SYNE1: variants seen among roughly 807,000 people sequenced by gnomAD.
The protein encoded by SYNE1 is nesprin-1.
A neutral mutation model predicts 1,111.0 loss-of-function variants in SYNE1; 616 were observed. The observed-to-expected ratio is 0.55, with a 90% CI of 0.52 to 0.59. The LOEUF (loss-of-function observed/expected upper bound fraction) is 0.59. Among genes scored for constraint, SYNE1 ranks in the 20% least tolerant of loss-of-function variants. The pLI is 0.00. For synonymous variants in SYNE1, 3,855 were observed against 3,825.8 expected (o/e 1.01, Z -0.28); for missense variants, 10,006 against 10,417.0 (o/e 0.96, Z 1.72).
Position 152,281,851 on chromosome 6 carries a change from G to C in SYNE1, c.18337C>G (p.Pro6113Ala), listed in dbSNP as rs2094047938. The change falls in exon 97 of 146, where the codon CCC (proline) becomes GCC (alanine). Residue 6113 changes from proline to alanine, a missense_variant. Coordinates refer to ENST00000367255, the MANE Select transcript of SYNE1 (RefSeq NM_182961.4). ...GCCTCCATGTCCATGGGCTCCTTGG[G>C]TGGACTCAGCGCAGTGTCCAGAGTG... is the stretch of plus-strand genomic sequence containing the variant. ...KATLDTALSP[P>A]KEPMDMEAQL... 6.2e-7 allele frequency: 1 copy of C among 1,614,038 alleles called. No homozygotes were observed. The highest frequency in any genetic ancestry group is 1.7e-5 in the Admixed American group (1 of 60,010).
At chr6:152,211,829 A>G (rs1234938992) in intron 123 of SYNE1, among the ~76,000 whole-genome samples, 2 of 152,148 alleles carry the variant, frequency 1.3e-5, no homozygotes, top group Admixed American at 1.3e-4. Context: ...AAGTAGAATT[A>G]TATTTCTCTT....
intron 117 of SYNE1, among the ~76,000 whole-genome samples, chr6:152,221,982 T>A (rs1299431210): frequency 6.6e-6 from 1 of 152,198 alleles, no homozygotes; most frequent in East Asian, 1.9e-4. Context: ...TCTTGTTGTG[T>A]CCTGACTTGC....
At chr6:152,632,591 T>C (rs1477285296) in intron 2 of SYNE1, among the ~76,000 whole-genome samples, 2 of 152,162 alleles carry the variant, frequency 1.3e-5, no homozygotes, top group Non-Finnish European at 2.9e-5. Context: ...CCTCAACAAC[T>C]ACCTATTGGA....
At chr6:152,180,840 G>A (rs1299778197) in intron 128 of SYNE1, among the ~76,000 whole-genome samples, 1 of 152,128 alleles carries the variant, frequency 6.6e-6, no homozygotes, top group African/African-American at 2.4e-5. Context: ...GGTGCCCCAA[G>A]GCTCAGCTCC....
chr6:152,461,978 C>T (rs2098736607), intron 20 of SYNE1, among the ~76,000 whole-genome samples: 1 of 151,700 alleles, frequency 6.6e-6, no homozygotes, highest in African/African-American at 2.4e-5. Context: ...CTGAAATGAT[C>T]TTTGTACTTT....
intron 24 of SYNE1, among the ~76,000 whole-genome samples, chr6:152,454,533 C>T (rs137897351): frequency 3.3e-5 from 5 of 152,314 alleles, no homozygotes; most frequent in Non-Finnish European, 5.9e-5. Context: ...ACTGTGAGAA[C>T]ATAAGTTTCT....
At chr6:152,531,339 T>G (rs2099200082) in intron 4 of SYNE1, among the ~76,000 whole-genome samples, 1 of 151,980 alleles carries the variant, frequency 6.6e-6, no homozygotes, top group Admixed American at 6.6e-5. Context: ...AAGTGCTGAG[T>G]TAAGATGGAA....
At chr6:152,138,887 T>C (rs1238475744) in intron 140 of SYNE1, among the ~76,000 whole-genome samples, 1 of 152,210 alleles carries the variant, frequency 6.6e-6, no homozygotes, top group Non-Finnish European at 1.5e-5. Context: ...ACTATATCCA[T>C]GCGGGCCAAG....
At chr6:152,284,724 G>A (rs1403800670) in intron 95 of SYNE1, among the ~76,000 whole-genome samples, 2 of 150,684 alleles carry the variant, frequency 1.3e-5, no homozygotes, top group African/African-American at 4.9e-5. Context: ...TGGATCACAG[G>A]CATGAGCCAC....
At chr6:152,172,440 G>T (rs759452170) in intron 130 of SYNE1, among the ~76,000 whole-genome samples, 2 of 152,126 alleles carry the variant, frequency 1.3e-5, no homozygotes, top group African/African-American at 2.4e-5. Context: ...AGGTTTAGCC[G>T]AGAGAAAAAG....
chr6:152,446,796 C>T (rs945352328), intron 29 of SYNE1, among the ~76,000 whole-genome samples: 4 of 152,072 alleles, frequency 2.6e-5, no homozygotes, highest in African/African-American at 7.2e-5. Flanking sequence ...GAAGTAGATG[C>T]GTTTGTATAT....
At chr6:152,315,157 A>G (rs1251487280) in intron 87 of SYNE1, 1 of 151,136 alleles carries the variant, frequency 6.6e-6, no homozygotes, top group Non-Finnish European at 1.5e-5. Flanking sequence ...TTGTAGCCAT[A>G]AAAAGGAGTC....
chr6:152,364,732 G>A (rs1014201924), intron 63 of SYNE1, 115 bp downstream of exon 63: 2 of 1,240,314 alleles, frequency 1.6e-6, no homozygotes, highest in Middle Eastern at 1.9e-4. Flanking sequence ...AAGGAAGGGA[G>A]GAAGGAAAGG....
intron 64 of SYNE1, among the ~76,000 whole-genome samples, chr6:152,361,723 C>T (rs13218536): frequency 0.023 from 3,527 of 151,942 alleles, 93 homozygotes; most frequent in East Asian, 0.13. Flanking sequence ...TGTTTGAATA[C>T]TACTGCCAAT....
rs970523426 is a variant in SYNE1, at chr6:152,488,458, G to T, written c.985C>A (p.Gln329Lys). The T allele has an allele frequency of 1.2e-6, 2 of 1,608,932 alleles. No homozygotes were observed. Among genetic ancestry groups the T allele is most frequent in the Non-Finnish European group, 1.7e-6 (2 of 1,176,818 alleles). ...IFKEMKVWIE[Q>K]FERDLTRAQM... The stretch of plus-strand genomic sequence containing the variant: ...GCTCTTGTCAAATCTCTCTCAAATT[G>T]TTCTATCCAAACTTTCATTTCCTTA... The change falls in exon 12 of 146, where the codon CAA (glutamine) becomes AAA (lysine). Residue 329 changes from glutamine to lysine, a missense_variant. Physicochemically the swap from Gln to Lys is moderately conservative, Grantham distance 53 (BLOSUM62 1). This residue lies in a region of SYNE1 where 1,971 missense variants were observed against 2,084.1 expected (regional missense o/e 0.95). Transcript: ENST00000367255.
intron 29 of SYNE1, among the ~76,000 whole-genome samples, chr6:152,446,797 G>A (rs760533130): frequency 8.5e-5 from 13 of 152,068 alleles, no homozygotes; most frequent in Non-Finnish European, 1.3e-4. Context: ...AAGTAGATGC[G>A]TTTGTATATT....
intron 93 of SYNE1, among the ~76,000 whole-genome samples, chr6:152,297,669 TA>T (rs900814730): frequency 2.0e-5 from 3 of 152,234 alleles, no homozygotes; most frequent in Non-Finnish European, 4.4e-5. Flanking sequence ...GGAATGCCTT[TA>T]AATGGTGTAA....
chr6:152,579,481 A>G (rs1317905765), intron 3 of SYNE1, among the ~76,000 whole-genome samples: 1 of 152,006 alleles, frequency 6.6e-6, no homozygotes, highest in Admixed American at 6.6e-5. Context: ...AGCCACCAGC[A>G]TTTTCTTTTC....
At chr6:152,576,869 C>G (rs115563744) in intron 3 of SYNE1, among the ~76,000 whole-genome samples, 4 of 152,148 alleles carry the variant, frequency 2.6e-5, no homozygotes, top group Non-Finnish European at 4.4e-5. Context: ...AATGGAGACA[C>G]AATTTGACTT....
Sources: allele counts gnomAD v4.1 joint callset (sites outside exome capture counted in the v4.1 genomes callset), GRCh38; gene constraint gnomAD v4.1.1; regional missense constraint gnomAD v4.1.1; transcripts MANE v1.5; gene names NCBI Gene and HGNC (gene_info 2026-07-23, HGNC 2026-07-21).